Variants in SCRN1 observed in about 807,000 individuals in gnomAD.
SCRN1 encodes the protein secernin-1.
SCRN1 carries 19 observed loss-of-function variants against 43.3 expected under a neutral mutation model. The ratio of observed to expected loss-of-function variants is 0.44; its 90% CI spans 0.31 to 0.64. SCRN1 has a LOEUF of 0.64. Among genes scored for constraint, SCRN1 ranks in the 30% least tolerant of loss-of-function variants. The probability of loss-of-function intolerance (pLI) is 0.09; values close to 1 mark genes in which losing one functional copy is unlikely to be tolerated. For missense variants in SCRN1, 447 were observed against 524.1 expected (o/e 0.85, Z 1.44); for synonymous variants, 183 against 188.9 (o/e 0.97, Z 0.26).
intron 6 of SCRN1, among the ~76,000 whole-genome samples, chr7:29,929,153 G>A (rs1056318380): frequency 6.6e-6 from 1 of 152,174 alleles, no homozygotes; most frequent in African/African-American, 2.4e-5. Context: ...TCTTTCACTG[G>A]CACAGAAACC....
rs1210769049 is a variant in SCRN1, at chr7:29,955,262, A to G, written c.258T>C (p.His86=). The change falls in exon 3 of 8, where the codon CAT becomes CAC. Residue 86 remains histidine, a synonymous_variant. Transcript: ENST00000242059. ...TGGCTTCATTGGCTATGCACACTCC[A>G]TGTTCATTGGCTCCCATTTCTGCTC... is the stretch of plus-strand genomic sequence containing the variant. The part of the protein sequence containing the change: ...LWGAEMGANE[H]GVCIANEAIN... 6 of 1,614,012 alleles carry G rather than the reference A, an allele frequency of 3.7e-6. No individual in the cohort carries two copies. The African/African-American group carries it at 5.3e-5, about 14-fold the overall frequency.
intron 1 of SCRN1, among the ~76,000 whole-genome samples, chr7:29,971,274 G>A (rs1788657937): frequency 6.6e-6 from 1 of 152,192 alleles, no homozygotes; most frequent in African/African-American, 2.4e-5. Flanking sequence ...GTTTATCAGA[G>A]TATCAAATAA....
At chr7:29,927,482 C>T (rs1787007557) in intron 6 of SCRN1, among the ~76,000 whole-genome samples, 1 of 151,996 alleles carries the variant, frequency 6.6e-6, no homozygotes, top group Admixed American at 6.6e-5. Flanking sequence ...AGAGCCTTAT[C>T]CTACCCTCCC....
chr7:29,986,451 T>C (rs1004858109), intron 1 of SCRN1, among the ~76,000 whole-genome samples: 25 of 152,134 alleles, frequency 1.6e-4, no homozygotes, highest in African/African-American at 6.0e-4. Flanking sequence ...GTGTATATTT[T>C]ACACTCAGCA....
intron 6 of SCRN1, among the ~76,000 whole-genome samples, chr7:29,934,069 G>T (rs1297691189): frequency 6.6e-6 from 1 of 152,144 alleles, no homozygotes; most frequent in Non-Finnish European, 1.5e-5. Context: ...CTGAAATGTT[G>T]AATAGAAAGA....
chr7:29,988,849 C>G (rs1378824432), intron 1 of SCRN1: 1 of 152,306 alleles, frequency 6.6e-6, no homozygotes, highest in Non-Finnish European at 1.5e-5. Flanking sequence ...TCCGAGTTCT[C>G]GCCAATTCTC....
At chr7:29,925,854 C>CAAAAA (rs59395122) in intron 7 of SCRN1, among the ~76,000 whole-genome samples, 3 of 83,972 alleles carry the variant, frequency 3.6e-5, no homozygotes, top group East Asian at 5.0e-4. Flanking sequence ...ACTAAAAATA[C>CAAAAA]AAAAAAAAAA....
At chr7:29,946,344 G>A (rs1787738252) in intron 3 of SCRN1, among the ~76,000 whole-genome samples, 1 of 152,206 alleles carries the variant, frequency 6.6e-6, no homozygotes, top group African/African-American at 2.4e-5. Flanking sequence ...ACCCCACGTT[G>A]TACACACTCG....
chr7:29,948,648 T>C (rs1230870328), intron 3 of SCRN1, among the ~76,000 whole-genome samples: 1 of 152,082 alleles, frequency 6.6e-6, no homozygotes, highest in Non-Finnish European at 1.5e-5. Flanking sequence ...TAAACACAAA[T>C]GGGACTAGCA....
Position 29,944,100 on chromosome 7 carries a change from C to T in SCRN1, c.421G>A (p.Gly141Arg). 3.1e-6 allele frequency: 5 copies of T among 1,614,192 alleles called. No homozygotes were observed. The highest frequency in any genetic ancestry group is 4.2e-6 in the Non-Finnish European group (5 of 1,180,030). Residue 141 changes from glycine (G) to arginine (R), a missense_variant, in exon 4 of 8, where the codon GGG becomes AGG. Gly to Arg is a moderately radical substitution (Grantham distance 125). Transcript: ENST00000242059. ...VSLLEEHGQG[G>R]NYFEDANSCH... ...GAGTTTGCATCTTCAAAGTAATTCC[C>T]ACCTTGTCCATGTTCTTCCAACAAG...
intron 6 of SCRN1, among the ~76,000 whole-genome samples, chr7:29,927,269 C>T (rs1786995140): frequency 6.6e-6 from 1 of 152,198 alleles, no homozygotes; most frequent in South Asian, 2.1e-4. Context: ...GTTCTCTCGG[C>T]AGGATGGATG....
intron 1 of SCRN1, among the ~76,000 whole-genome samples, chr7:29,975,466 T>C (rs1432817608): frequency 6.6e-6 from 1 of 152,232 alleles, no homozygotes; most frequent in Non-Finnish European, 1.5e-5. Context: ...CCTAACTGTA[T>C]GTTGTGGCCT....
At chr7:29,955,744 G>T (rs868728594) in intron 2 of SCRN1, among the ~76,000 whole-genome samples, 1 of 152,180 alleles carries the variant, frequency 6.6e-6, no homozygotes, top group African/African-American at 2.4e-5. Context: ...AGAAGCCTAA[G>T]ATAGAAAGCA....
intron 2 of SCRN1, among the ~76,000 whole-genome samples, chr7:29,956,387 C>T (rs752512474): frequency 3.9e-5 from 6 of 152,144 alleles, no homozygotes; most frequent in Non-Finnish European, 8.8e-5. Context: ...GTGTGGTGGA[C>T]GCTGTATTGA....
At chr7:29,945,144 C>A (rs1170177305) in intron 3 of SCRN1, among the ~76,000 whole-genome samples, 2 of 152,174 alleles carry the variant, frequency 1.3e-5, no homozygotes, top group Non-Finnish European at 2.9e-5. Flanking sequence ...CAGCTTCAGT[C>A]ATCAAAAGAA....
chr7:29,968,085 T>C (rs1326769942), intron 2 of SCRN1, among the ~76,000 whole-genome samples: 1 of 152,248 alleles, frequency 6.6e-6, no homozygotes, highest in Non-Finnish European at 1.5e-5. Context: ...ATAGTATTTT[T>C]AAAAGATTTG....
At position 29,940,805 on chromosome 7, in the gene SCRN1, TC is replaced by T; in HGVS notation, c.615del (p.Ser206ValfsTer28). 1 of 1,605,786 alleles carries T rather than the reference TC, an allele frequency of 6.2e-7. No homozygotes were observed. Among genetic ancestry groups the T allele is most frequent in the Non-Finnish European group, 8.5e-7 (1 of 1,177,858 alleles). ...TKMDAEHPEL[R>X]SYAQSQGWWT... The stretch of plus-strand genomic sequence containing the variant: ...CACCAACCTTGGCTCTGAGCGTAAC[TC>T]CTGAGTTCCGGATGCTCTGCATCCA... On this transcript the variant is annotated frameshift_variant, in exon 5 of 8. Coordinates refer to ENST00000242059, the MANE Select transcript of SCRN1 (RefSeq NM_014766.5). LOFTEE classifies it high-confidence loss of function.
chr7:29,969,774 T>G (rs1337782194), intron 1 of SCRN1: 3 of 455,608 alleles, frequency 6.6e-6, no homozygotes, highest in African/African-American at 4.0e-5. Context: ...TGCTGATGAC[T>G]TACACATTTA....
chr7:29,942,679 A>C (rs1441690272), intron 4 of SCRN1, among the ~76,000 whole-genome samples: 1 of 152,180 alleles, frequency 6.6e-6, no homozygotes, highest in Non-Finnish European at 1.5e-5. Flanking sequence ...CTGGGCAAGT[A>C]GGCACACACA....
Sources: gnomAD v4.1 joint callset for allele counts (sites outside exome capture counted in the v4.1 genomes callset) on GRCh38, gnomAD v4.1.1 for gene constraint, MANE v1.5 for transcripts, NCBI Gene and HGNC (gene_info 2026-07-23, HGNC 2026-07-21) for gene names.